The following LRCH1 variants were observed in gnomAD, a reference collection of about 807,000 sequenced individuals.
LRCH1 encodes the protein leucine rich repeats and calponin homology domain containing 1, also known as leucine-rich repeat and calponin homology domain-containing protein 1.
LRCH1 carries 23 observed loss-of-function variants against 94.9 expected under a neutral mutation model. That is an observed-to-expected ratio of 0.24 (90% CI 0.17 to 0.34). The LOEUF (loss-of-function observed/expected upper bound fraction) is 0.34. Ranked by LOEUF, LRCH1 falls within the 10% of genes least tolerant of loss-of-function variation. The probability of loss-of-function intolerance (pLI) is 1.00; values close to 1 mark genes in which losing one functional copy is unlikely to be tolerated. For synonymous variants in LRCH1, 364 were observed against 354.9 expected, an observed-to-expected ratio of 1.03 and a Z score of -0.29; for missense variants, 790 against 945.9, an observed-to-expected ratio of 0.84 and a Z score of 2.16.
intron 19 of LRCH1, among the ~76,000 whole-genome samples, chr13:46,740,912 C>T (rs536234846): frequency 1.3e-5 from 2 of 152,090 alleles, no homozygotes; most frequent in Non-Finnish European, 1.5e-5. Context: ...GGTCTACCCC[C>T]CCTGCCCCAA....
chr13:46,751,519 AT>A (rs1440648890), exon 19 of LRCH1: 1 of 149,940 alleles, frequency 6.7e-6, no homozygotes, highest in African/African-American at 2.5e-5. Context: ...AATAGCTGTG[AT>A]GGAAAAAAAA....
intron 6 of LRCH1, among the ~76,000 whole-genome samples, chr13:46,688,705 A>T (rs1456766537): frequency 6.6e-6 from 1 of 152,232 alleles, no homozygotes. Context: ...TGTTTTATGT[A>T]CTTAATCCCT....
chr13:46,606,148 A>ATGTG lies in LRCH1; in HGVS notation c.308-44025_308-44022dup, dbSNP rs3991577. Among the ~76,000 whole-genome samples the ATGTG allele has an allele frequency of 5.3e-3, 791 of 148,724 alleles. 5 individuals carry two copies. The highest frequency in any genetic ancestry group is 0.018 in the South Asian group (85 of 4,648). Reference sequence around the variant, plus strand: ...ATGCTCAAACTCTAATTTTAACCTTATGTGTGTGTGTGTGTGTGTGTGTGT... The same window carrying ATGTG: ...ATGCTCAAACTCTAATTTTAACCTTATGTGTGTGTGTGTGTGTGTGTGTGTGTGT... On this transcript the variant is annotated intron_variant, in intron 1 of 19. Coordinates refer to ENST00000389797, the MANE Select transcript of LRCH1 (RefSeq NM_001164211.2).
chr13:46,702,736 A>G (rs4942572), intron 11 of LRCH1, among the ~76,000 whole-genome samples: 3,042 of 152,290 alleles, frequency 0.02, 84 homozygotes, highest in East Asian at 0.084. Context: ...CATGAAGGTC[A>G]GAATGAATGG....
At chr13:46,693,008 C>T (rs1870987417) in intron 8 of LRCH1, among the ~76,000 whole-genome samples, 1 of 146,294 alleles carries the variant, frequency 6.8e-6, no homozygotes, top group Admixed American at 7.0e-5. Context: ...CGCTCTGTCT[C>T]CCAGGCTGGA....
chr13:46,649,653 G>T (rs2051266659), intron 1 of LRCH1, among the ~76,000 whole-genome samples: 1 of 151,920 alleles, frequency 6.6e-6, no homozygotes, highest in African/African-American at 2.4e-5. Context: ...ATTTGTAAAG[G>T]ATGTAAAAGA....
Position 46,652,132 on chromosome 13 carries a change from A to G in LRCH1, c.452+1787A>G, listed in dbSNP as rs368654307. Among the ~76,000 whole-genome samples the G allele has an allele frequency of 2.7e-5, 4 of 146,004 alleles. No homozygotes were observed. In the East Asian group the frequency reaches 6.1e-4, roughly 22 times the overall value. ...TGCTCTGTCGCCCAGGCTGGAGTGC[A>G]GTGGCGCGATCTCGGCTCACTGCAA... On this transcript the variant is annotated intron_variant, in intron 2 of 19. Transcript: ENST00000389797.
chr13:46,618,205 T>G (rs1271665910), intron 1 of LRCH1, among the ~76,000 whole-genome samples: 1 of 152,200 alleles, frequency 6.6e-6, no homozygotes, highest in Non-Finnish European at 1.5e-5. Context: ...GTTACCATAC[T>G]GCATACTGTA....
intron 1 of LRCH1, among the ~76,000 whole-genome samples, chr13:46,591,322 GT>G (rs1004364025): frequency 2.6e-5 from 4 of 152,122 alleles, no homozygotes; most frequent in Non-Finnish European, 5.9e-5. Flanking sequence ...TAATGAATTA[GT>G]TCCTTTCTTC....
chr13:46,564,935 T>C (rs2050166409), intron 1 of LRCH1, among the ~76,000 whole-genome samples: 1 of 152,200 alleles, frequency 6.6e-6, no homozygotes, highest in South Asian at 2.1e-4. Context: ...TGTGACATAG[T>C]CTTCTTCAGT....
At chr13:46,690,206 CT>C (rs1870826934) in intron 7 of LRCH1, among the ~76,000 whole-genome samples, 1 of 152,026 alleles carries the variant, frequency 6.6e-6, no homozygotes, top group African/African-American at 2.4e-5. Context: ...AAAAATCCTT[CT>C]AATATAGAGC....
At chr13:46,570,819 A>G (rs1297172769) in intron 1 of LRCH1, among the ~76,000 whole-genome samples, 2 of 152,212 alleles carry the variant, frequency 1.3e-5, no homozygotes, top group Non-Finnish European at 2.9e-5. Flanking sequence ...CTTTTGAGAG[A>G]TTTACTTGAG....
intron 1 of LRCH1, among the ~76,000 whole-genome samples, chr13:46,582,064 C>T (rs1013886207): frequency 2.7e-5 from 4 of 149,458 alleles, no homozygotes; most frequent in East Asian, 2.0e-4. Flanking sequence ...GCAGGAGAAT[C>T]GCTTGAACCT....
intron 1 of LRCH1, among the ~76,000 whole-genome samples, chr13:46,585,746 A>T (rs1886219): frequency 0.82 from 124,058 of 151,888 alleles, 50,944 homozygotes; most frequent in East Asian, 0.91. Context: ...GAGTTAAGAA[A>T]GAACGTTGTC....
intron 1 of LRCH1, among the ~76,000 whole-genome samples, chr13:46,617,672 T>C (rs1411636141): frequency 3.3e-5 from 5 of 152,212 alleles, no homozygotes; most frequent in Non-Finnish European, 4.4e-5. Flanking sequence ...CTTTGAAAGA[T>C]ACAGATCCAA....
At chr13:46,615,590 G>T (rs1276462303) in intron 1 of LRCH1, among the ~76,000 whole-genome samples, 1 of 152,172 alleles carries the variant, frequency 6.6e-6, no homozygotes, top group Admixed American at 6.5e-5. Flanking sequence ...TTAAAACCCA[G>T]CTTCGAGCTC....
chr13:46,626,637 C>T (rs55859526), intron 1 of LRCH1, among the ~76,000 whole-genome samples: 21 of 152,316 alleles, frequency 1.4e-4, no homozygotes, highest in Non-Finnish European at 2.8e-4. Context: ...CACCTGCACC[C>T]AGGTGAAATA....
chr13:46,609,246 C>A (rs1268898290), intron 1 of LRCH1, among the ~76,000 whole-genome samples: 1 of 152,172 alleles, frequency 6.6e-6, no homozygotes, highest in Admixed American at 6.5e-5. Context: ...TATGCCTTCA[C>A]CATTTTGCAA....
At chr13:46,576,099 GA>G (rs1413297274) in intron 1 of LRCH1, among the ~76,000 whole-genome samples, 7 of 152,210 alleles carry the variant, frequency 4.6e-5, no homozygotes, top group Non-Finnish European at 1.0e-4. Flanking sequence ...TATGGCCAAA[GA>G]AAGTGGCAGG....
Sources: allele counts gnomAD v4.1 joint callset (sites outside exome capture counted in the v4.1 genomes callset), GRCh38; gene constraint gnomAD v4.1.1; transcripts MANE v1.5; gene names NCBI Gene and HGNC (gene_info 2026-07-23, HGNC 2026-07-21).